The following COL2A1 variants were observed in gnomAD, a reference collection of about 807,000 sequenced individuals.
COL2A1 encodes collagen type II alpha 1 chain.
A neutral mutation model predicts 204.5 loss-of-function variants in COL2A1; 28 were observed. The ratio of observed to expected loss-of-function variants is 0.14; its 90% CI spans 0.10 to 0.19. The LOEUF is 0.19. COL2A1 is among the 10% of genes least tolerant of loss of function. COL2A1 has a pLI of 1.00. For synonymous variants in COL2A1, 708 were observed against 718.7 expected, an observed-to-expected ratio of 0.99 and a Z score of 0.24; for missense variants, 1,388 against 2,027.5, an observed-to-expected ratio of 0.68 and a Z score of 6.06.
intron 2 of COL2A1, among the ~76,000 whole-genome samples, chr12:47,999,535 G>A (rs1048727745): frequency 3.3e-5 from 5 of 152,128 alleles, no homozygotes; most frequent in Non-Finnish European, 7.3e-5. Context: ...AGAAGACAAG[G>A]TGTCGGTGGC....
chr12:47,989,099 G>C lies in COL2A1; in HGVS notation c.1122+129C>G, dbSNP rs779386467. Reference sequence around the variant, plus strand: ...CCCTGCCTGGATGGAGGGGCCAGTGGGTGGGGTGGTGGGGAGCTACTTCTC... The same window carrying C: ...CCCTGCCTGGATGGAGGGGCCAGTGCGTGGGGTGGTGGGGAGCTACTTCTC... On this transcript the variant is annotated intron_variant, in intron 18 of 53. Transcript: ENST00000380518. 5.3e-5 allele frequency: 41 copies of C among 770,644 alleles called. 1 individual carries two copies. The highest frequency in any genetic ancestry group is 8.4e-5 in the Non-Finnish European group (37 of 441,708). 47.7% of individuals were successfully genotyped at this position (770,644 alleles called of 1,614,324 possible).
At chr12:47,991,153 C>T (rs1167256201) in intron 16 of COL2A1, among the ~76,000 whole-genome samples, 5 of 152,194 alleles carry the variant, frequency 3.3e-5, no homozygotes, top group Admixed American at 6.5e-5. Flanking sequence ...CTGGCTGCTT[C>T]GGGAAGCAGT....
At chr12:47,994,502 C>A (rs562714764) in intron 11 of COL2A1, 25 bp from the exon 12 acceptor site, 2 of 1,612,908 alleles carry the variant, frequency 1.2e-6, no homozygotes, top group African/African-American at 1.3e-5. Context: ...AGAGATATCC[C>A]AGCTTCCTCA....
chr12:47,991,914 G>A (rs1175416562), intron 16 of COL2A1, among the ~76,000 whole-genome samples: 2 of 152,134 alleles, frequency 1.3e-5, no homozygotes, highest in African/African-American at 4.8e-5. Context: ...GGGGGGTCGA[G>A]GCTTCTGCTT....
rs150951022 is a variant in COL2A1 at position 47,978,606 on chromosome 12, G to A, written c.2886C>T (p.Asp962=). 69 of 1,613,476 alleles carry A rather than the reference G, an allele frequency of 4.3e-5. No homozygotes were observed. In the African/African-American group the frequency reaches 4.7e-4, roughly 11 times the overall value. The stretch of plus-strand genomic sequence containing the variant: ...CTGGTGAGGGACTTACAGAGGGACC[G>A]TCATCTCCAGGCTCTCCCTTCTCGC... ...PPGEKGEPGD[D]GPSGAEGPPG... The change falls in exon 42 of 54, where the codon GAC becomes GAT. Residue 962 remains aspartate, a synonymous_variant. Transcript: ENST00000380518. The surrounding 1 kb of genome is among the most constrained non-coding windows in gnomAD (Gnocchi z 5.5).
intron 53 of COL2A1, 110 bp from the exon 54 acceptor site, chr12:47,973,663 G>T: frequency 5.3e-6 from 7 of 1,318,586 alleles, no homozygotes; most frequent in Non-Finnish European, 6.5e-6. Flanking sequence ...AGCCCACAAG[G>T]TTGAACCACA....
In COL2A1 at chr12:47,979,506, C is replaced by T. The variant is rs1938917597; in HGVS notation, c.2733+5G>A. On this transcript the variant is annotated splice_donor_5th_base_variant and intron_variant, in intron 41 of 53. Transcript: ENST00000380518. ...TGTGCCTCTCATGCCAGGAGCATCA[C>T]TTACATTGGAGCCTGGGGGTCCAAC... 1 of 1,613,624 alleles carries T rather than the reference C, an allele frequency of 6.2e-7. No individual in the cohort carries two copies.
chr12:47,989,243 A>T lies in COL2A1; in HGVS notation c.1107T>A (p.Gly369=), dbSNP rs1555167787. 18 of 1,612,836 alleles carry T rather than the reference A, an allele frequency of 1.1e-5. No homozygotes were observed. Among genetic ancestry groups the T allele is most frequent in the Non-Finnish European group, 1.4e-5 (16 of 1,179,766 alleles). The change falls in exon 18 of 54, where the codon GGT becomes GGA. Residue 369 remains glycine (G), a synonymous_variant. Transcript: ENST00000380518. ...VGPAGGPGFP[G]APGAKGEAGP... ...GGGCACGTACCTTGGCTCCAGGAGC[A>T]CCAGGGAAGCCAGGACCACCAGCAG...
intron 29 of COL2A1, 116 bp from the exon 30 acceptor site, chr12:47,983,852 A>T: frequency 9.0e-7 from 1 of 1,114,806 alleles, no homozygotes; most frequent in Non-Finnish European, 1.3e-6. Context: ...TTCCTGCACC[A>T]CTCAGACAGT....
chr12:47,975,804 A>T (rs560176601), intron 50 of COL2A1, among the ~76,000 whole-genome samples, 159 bp downstream of exon 50: 2 of 152,334 alleles, frequency 1.3e-5, no homozygotes, highest in East Asian at 1.9e-4. Context: ...CCCAGCACTG[A>T]TCATGGGCCC....
chr12:47,989,405 A>T (rs1293922072), intron 17 of COL2A1, 124 bp from the exon 18 acceptor site: 9 of 889,602 alleles, frequency 1.0e-5, no homozygotes, highest in Non-Finnish European at 1.3e-5. Flanking sequence ...CATTGTGGCT[A>T]AAAGGCCTTG....
chr12:47,978,842 G>A lies in COL2A1; in HGVS notation c.2734-84C>T. 2 of 1,447,046 alleles carry A rather than the reference G, an allele frequency of 1.4e-6. No homozygotes were observed. The highest frequency in any genetic ancestry group is 3.5e-5 in the Admixed American group (2 of 57,170). The allele number at this position is 1,447,046 out of a possible 1,614,324, so 89.6% of individuals were successfully genotyped here. A position where few individuals can be genotyped will look rare whatever the true frequency, so the allele number is the denominator to read the frequency against. The stretch of plus-strand genomic sequence containing the variant: ...CAAAGTCACTGTGGCCTCAGTGACA[G>A]CAGTTTCCTCTCTGGGGGCTTCTCT... On this transcript the variant is annotated intron_variant, in intron 41 of 53. Coordinates refer to ENST00000380518, the MANE Select transcript of COL2A1 (RefSeq NM_001844.5). This position sits in a 1 kb window ranked among gnomAD's most constrained non-coding sequence, Gnocchi z 5.5.
chr12:47,975,111 A>G (rs1592195774), intron 51 of COL2A1, among the ~76,000 whole-genome samples: 2 of 152,158 alleles, frequency 1.3e-5, no homozygotes, highest in South Asian at 4.1e-4. Context: ...GATGGAGTCC[A>G]CCCTGAGGTC....
chr12:48,001,640 C>T (rs905063551), intron 1 of COL2A1, among the ~76,000 whole-genome samples: 1 of 152,186 alleles, frequency 6.6e-6, no homozygotes, highest in African/African-American at 2.4e-5. Flanking sequence ...GGCGCAGGGG[C>T]GGGGCCAGGC....
intron 2 of COL2A1, chr12:47,999,674 C>T: frequency 2.2e-5 from 6 of 274,390 alleles, no homozygotes; most frequent in South Asian, 4.9e-5. Context: ...ATCTGTCCTT[C>T]ATGTGTCTTG....
chr12:47,999,853 G>A (rs1269383268), intron 2 of COL2A1, 66 bp downstream of exon 2: 4 of 1,386,830 alleles, frequency 2.9e-6, no homozygotes, highest in Middle Eastern at 2.2e-4. Context: ...CAGCATCTAT[G>A]GGAGCGTGTT....
At chr12:47,985,654 G>A (rs1022336349) in intron 25 of COL2A1, 67 bp from the exon 26 acceptor site, 38 of 1,605,882 alleles carry the variant, frequency 2.4e-5, no homozygotes, top group Non-Finnish European at 3.2e-5. Flanking sequence ...TCCTGGCAGT[G>A]CAGGGCTGGA....
At position 47,987,262 on chromosome 12, in the gene COL2A1, C is replaced by T. The variant is rs41317915; in HGVS notation, c.1266+7G>A. ...CTGGGGTAGCAAAGTCCACGGGCAA[C>T]ACTCACAGCAGATCCTTTGGCTCCA... On this transcript the variant is annotated splice_region_variant and intron_variant, in intron 20 of 53. Transcript: ENST00000380518. This position sits in a 1 kb window ranked among gnomAD's most constrained non-coding sequence, Gnocchi z 4.1. The T allele has an allele frequency of 0.016, 25,841 of 1,614,042 alleles. 245 individuals carry two copies. The highest frequency in any genetic ancestry group is 0.029 in the Middle Eastern group (174 of 6,062).
In COL2A1 at chr12:47,978,678, AG is replaced by A. The variant is rs886039543; in HGVS notation, c.2813del (p.Pro938LeufsTer90). 2 of 1,613,234 alleles carry A rather than the reference AG, an allele frequency of 1.2e-6. No individual in the cohort carries two copies. Among genetic ancestry groups the A allele is most frequent in the Non-Finnish European group, 1.7e-6 (2 of 1,179,952 alleles). On this transcript the variant is annotated frameshift_variant, in exon 42 of 54. Transcript: ENST00000380518. LOFTEE classifies it high-confidence loss of function. This position sits in a 1 kb window ranked among gnomAD's most constrained non-coding sequence, Gnocchi z 5.5. ...PKGARGDSGP[P>X]GRAGEPGLQG... ...GGAGGCCGGGTTCACCAGCTCGGCC[AG>A]GGGGGCCGCTGTCTCCTCGAGCACC...
Sources: allele counts gnomAD v4.1 joint callset (sites outside exome capture counted in the v4.1 genomes callset), GRCh38; gene constraint gnomAD v4.1.1; non-coding constraint Gnocchi (gnomAD v3.1); transcripts MANE v1.5; gene names NCBI Gene and HGNC (gene_info 2026-07-23, HGNC 2026-07-21).